Variants in TEAD1 observed in about 807,000 individuals in gnomAD.
TEAD1 encodes TEA domain transcription factor 1.
TEAD1 carries 9 observed loss-of-function variants against 54.9 expected under a neutral mutation model. The observed-to-expected ratio is 0.16, with a 90% confidence interval of 0.10 to 0.29. The LOEUF is 0.29. TEAD1 is among the 10% of genes least tolerant of loss of function. The pLI, the probability that TEAD1 is intolerant of heterozygous loss-of-function variation, is 1.00. For missense variants in TEAD1, 387 were observed against 535.9 expected, an observed-to-expected ratio of 0.72 and a Z score of 2.74; for synonymous variants, 200 against 187.8, an observed-to-expected ratio of 1.07 and a Z score of -0.53.
At chr11:12,813,381 A>G (rs868537215) in intron 3 of TEAD1, among the ~76,000 whole-genome samples, 1 of 152,236 alleles carries the variant, frequency 6.6e-6, no homozygotes, top group African/African-American at 2.4e-5. Context: ...GCCGGGACAG[A>G]AAAGCTGCTG....
intron 3 of TEAD1, among the ~76,000 whole-genome samples, chr11:12,771,399 A>T (rs1342448053): frequency 6.6e-6 from 1 of 152,222 alleles, no homozygotes; most frequent in Non-Finnish European, 1.5e-5. Flanking sequence ...GGAGAGCCTG[A>T]GGCCTGCACT....
In TEAD1 at chr11:12,738,015, C is replaced by G. The variant is rs565177117; in HGVS notation, c.-54-26164C>G. ...AAAGGGGAAACCCCTTATATAAAAC[C>G]GTCGGATCTCATGAGACATTCACTA... On this transcript the variant is annotated intron_variant, in intron 2 of 12. Transcript: ENST00000527636. Among the ~76,000 whole-genome samples, 155 of 152,176 alleles carry G rather than the reference C, an allele frequency of 1.0e-3. 1 individual carries two copies. Among genetic ancestry groups the G allele is most frequent in the African/African-American group, 3.6e-3 (149 of 41,520 alleles).
intron 3 of TEAD1, among the ~76,000 whole-genome samples, chr11:12,836,029 T>C (rs1946883552): frequency 6.6e-6 from 1 of 152,184 alleles, no homozygotes; most frequent in Non-Finnish European, 1.5e-5. Flanking sequence ...GTGGCAGATG[T>C]GTTAATTAGC....
At chr11:12,930,661 C>G (rs969863778) in intron 12 of TEAD1, among the ~76,000 whole-genome samples, 2 of 152,112 alleles carry the variant, frequency 1.3e-5, no homozygotes, top group African/African-American at 4.8e-5. Flanking sequence ...TATCCTAGAT[C>G]AATTAAATCA....
rs72319822 is a variant in TEAD1, at chr11:12,819,278, AT to A, written c.203-42955del. On this transcript the variant is annotated intron_variant, in intron 3 of 12. Transcript: ENST00000527636. ...TATCACCGGTGCTTGTGCAGAGGTG[AT>A]TTTTTTTTTTTTTTTTACACTTTGC... 6.8e-3 allele frequency among the ~76,000 whole-genome samples: 1,003 copies of A among 146,910 alleles called. 4 individuals carry two copies. Among genetic ancestry groups the A allele is most frequent in the African/African-American group, 0.018 (719 of 39,852 alleles).
In TEAD1 at chr11:12,941,389, C is replaced by T. The variant is rs1167711923; in HGVS notation, c.*4167C>T. 1 of 152,178 alleles carries T rather than the reference C, an allele frequency of 6.6e-6. No homozygotes were observed. The highest frequency in any genetic ancestry group is 2.4e-5 in the African/African-American group (1 of 41,444). 9.4% of individuals were successfully genotyped at this position (152,178 alleles called of 1,614,324 possible). A position where few individuals can be genotyped will look rare whatever the true frequency, so the allele number is the denominator to read the frequency against. On this transcript the variant is annotated 3_prime_UTR_variant, in exon 13 of 13. Transcript: ENST00000527636. ...GCACTCAGACCAGCCAAAAAACAGC[C>T]CCCATTCCAAGTACTTGGTGTCAAA...
intron 3 of TEAD1, among the ~76,000 whole-genome samples, chr11:12,856,880 T>C (rs1231744151): frequency 6.6e-6 from 1 of 152,142 alleles, no homozygotes; most frequent in Non-Finnish European, 1.5e-5. Context: ...GCTTCTTTCT[T>C]GGTGGCTCCC....
chr11:12,879,334 G>A (rs948373588), intron 5 of TEAD1: 4 of 466,840 alleles, frequency 8.6e-6, no homozygotes, highest in East Asian at 4.3e-5. Context: ...CCTCCCATCC[G>A]TTTGCTTAAA....
At chr11:12,858,446 T>C (rs925288568) in intron 3 of TEAD1, among the ~76,000 whole-genome samples, 2 of 152,330 alleles carry the variant, frequency 1.3e-5, no homozygotes, top group Admixed American at 6.5e-5. Context: ...AAATGTACAA[T>C]GAAGTAGCTC....
intron 3 of TEAD1, among the ~76,000 whole-genome samples, chr11:12,802,919 A>G (rs1946091205): frequency 6.6e-6 from 1 of 152,130 alleles, no homozygotes; most frequent in Admixed American, 6.5e-5. Flanking sequence ...GTTTACCTGA[A>G]GGGCTTTTCA....
chr11:12,679,431 A>T (rs758825658), intron 2 of TEAD1, among the ~76,000 whole-genome samples: 2 of 152,200 alleles, frequency 1.3e-5, no homozygotes, highest in Admixed American at 1.3e-4. Flanking sequence ...GTCATCTCTA[A>T]TGGGAAATTC....
chr11:12,692,878 A>G (rs918696981), intron 2 of TEAD1, among the ~76,000 whole-genome samples: 2 of 152,160 alleles, frequency 1.3e-5, no homozygotes, highest in Non-Finnish European at 2.9e-5. Context: ...TTGCCTGGTC[A>G]ACTGTTCTTA....
chr11:12,898,769 T>C (rs189743004), intron 9 of TEAD1, among the ~76,000 whole-genome samples: 4 of 152,322 alleles, frequency 2.6e-5, no homozygotes, highest in African/African-American at 9.6e-5. Context: ...TATTCACATA[T>C]GTTGCAAATA....
intron 9 of TEAD1, among the ~76,000 whole-genome samples, chr11:12,884,562 C>T (rs953636811): frequency 2.0e-5 from 3 of 152,174 alleles, no homozygotes; most frequent in Non-Finnish European, 2.9e-5. Context: ...GGCAGAGGGG[C>T]TTGACCAGTC....
intron 3 of TEAD1, among the ~76,000 whole-genome samples, chr11:12,816,471 C>A (rs1000781230): frequency 6.6e-6 from 1 of 152,174 alleles, no homozygotes; most frequent in Non-Finnish European, 1.5e-5. Flanking sequence ...GTTACCCCGC[C>A]CCCTTTTTGG....
intron 12 of TEAD1, among the ~76,000 whole-genome samples, chr11:12,935,340 CAT>C (rs1345023344): frequency 2.6e-5 from 4 of 152,156 alleles, no homozygotes; most frequent in African/African-American, 9.7e-5. Flanking sequence ...CGTATGATAT[CAT>C]ATGAGACAAT....
At chr11:12,722,671 A>G in intron 2 of TEAD1, among the ~76,000 whole-genome samples, 1 of 151,492 alleles carries the variant, frequency 6.6e-6, no homozygotes, top group East Asian at 1.9e-4. Context: ...TTTTCACAAA[A>G]ATACACTATA....
chr11:12,869,492 GA>G (rs1947694865), intron 5 of TEAD1, among the ~76,000 whole-genome samples: 2 of 152,278 alleles, frequency 1.3e-5, no homozygotes, highest in Admixed American at 1.3e-4. Context: ...GAACTTTTCA[GA>G]AAGATTTTCA....
At chr11:12,825,667 A>G (rs1007726336) in intron 3 of TEAD1, among the ~76,000 whole-genome samples, 8 of 152,220 alleles carry the variant, frequency 5.3e-5, no homozygotes, top group Non-Finnish European at 4.4e-5. Flanking sequence ...TTCTAACAGT[A>G]TAGAAATGTA....
Sources: allele counts gnomAD v4.1 joint callset (sites outside exome capture counted in the v4.1 genomes callset), GRCh38; gene constraint gnomAD v4.1.1; transcripts MANE v1.5; gene names NCBI Gene and HGNC (gene_info 2026-07-23, HGNC 2026-07-21).